The following CPNE5 variants were observed in gnomAD, a reference collection of about 807,000 sequenced individuals.
CPNE5 encodes copine-5.
A neutral mutation model predicts 81.1 loss-of-function variants in CPNE5; 42 were observed. That is an observed-to-expected ratio of 0.52 (90% CI 0.40 to 0.67). The LOEUF (loss-of-function observed/expected upper bound fraction) is 0.67, where lower values mean the gene tolerates loss of function less well. Ranked by LOEUF, CPNE5 falls within the 30% of genes least tolerant of loss-of-function variation. The pLI is 0.00. For missense variants in CPNE5, 612 were observed against 815.5 expected, an observed-to-expected ratio of 0.75 and a Z score of 3.04; for synonymous variants, 313 against 321.5, an observed-to-expected ratio of 0.97 and a Z score of 0.28.
intron 10 of CPNE5, among the ~76,000 whole-genome samples, chr6:36,774,273 T>G (rs1767302334): frequency 6.6e-6 from 1 of 151,884 alleles, no homozygotes; most frequent in Admixed American, 6.6e-5. Flanking sequence ...CCCAACTATA[T>G]TCAGGAGGTA....
At chr6:36,743,539 A>T in intron 20 of CPNE5, 150 bp downstream of exon 20, 1 of 756,568 alleles carries the variant, frequency 1.3e-6, no homozygotes, top group Non-Finnish European at 2.2e-6. Context: ...ACTGACTCCT[A>T]CTCCCTTCGG....
intron 3 of CPNE5, among the ~76,000 whole-genome samples, chr6:36,803,622 G>A (rs1192923521): frequency 6.6e-6 from 1 of 152,160 alleles, no homozygotes; most frequent in East Asian, 1.9e-4. Context: ...GCATCTATGT[G>A]TAAATTCATT....
intron 1 of CPNE5, chr6:36,838,839 G>T: frequency 1.5e-6 from 1 of 686,660 alleles, no homozygotes; most frequent in Non-Finnish European, 1.8e-6. Context: ...CTGGGGCAAA[G>T]AAGGGGCAAA....
In CPNE5 at chr6:36,800,084, T is replaced by G. The variant is rs73416227; in HGVS notation, c.184-14A>C. The G allele has an allele frequency of 1.9e-6, 3 of 1,604,586 alleles. No individual in the cohort carries two copies. The highest frequency in any genetic ancestry group is 2.6e-6 in the Non-Finnish European group (3 of 1,174,472). Reference sequence around the variant, plus strand: ...GGTGCGCCCAAACTGCAAGAGAAGATGGAGGGTGAACCTCAGGGCCGGGCT... The same window carrying G: ...GGTGCGCCCAAACTGCAAGAGAAGAGGGAGGGTGAACCTCAGGGCCGGGCT... On this transcript the variant is annotated splice_polypyrimidine_tract_variant and intron_variant, in intron 3 of 20. Transcript: ENST00000244751.
intron 8 of CPNE5, among the ~76,000 whole-genome samples, chr6:36,781,728 G>A (rs1024484597): frequency 2.6e-5 from 4 of 152,190 alleles, no homozygotes; most frequent in Non-Finnish European, 4.4e-5. Flanking sequence ...AAGGGAAAAC[G>A]TGGGGCCCCC....
chr6:36,777,101 C>T (rs187988507), intron 9 of CPNE5, among the ~76,000 whole-genome samples: 1 of 152,350 alleles, frequency 6.6e-6, no homozygotes, highest in East Asian at 1.9e-4. Flanking sequence ...CCCATGACCT[C>T]CCGGGTCTGA....
rs1374845590 is a variant in CPNE5, at chr6:36,756,256, T to C, written c.898A>G (p.Asn300Asp). The change falls in exon 13 of 21, where the codon AAT becomes GAT. Residue 300 changes from asparagine (N) to aspartate (D), a missense_variant. Asn to Asp is a conservative substitution (Grantham distance 23). Transcript: ENST00000244751. ...KKKMKKKKYV[N>D]SGTVTLLSFA... ...GGGTGGCTACTCACTGTGCCAGAAT[T>C]CACGTATTTCTTTTTCTTCATTTTC... 6.2e-7 allele frequency: 1 copy of C among 1,613,686 alleles called. No individual in the cohort carries two copies. Among genetic ancestry groups the C allele is most frequent in the Non-Finnish European group, 8.5e-7 (1 of 1,179,898 alleles).
intron 8 of CPNE5, among the ~76,000 whole-genome samples, chr6:36,790,043 G>C (rs1401760120): frequency 1.3e-5 from 2 of 152,160 alleles, no homozygotes; most frequent in Non-Finnish European, 2.9e-5. Context: ...AGTGGTTAAA[G>C]ACCTTGGCTC....
intron 8 of CPNE5, among the ~76,000 whole-genome samples, chr6:36,786,917 G>T (rs1768604499): frequency 6.6e-6 from 1 of 151,808 alleles, no homozygotes; most frequent in Non-Finnish European, 1.5e-5. Context: ...TGTCCATAAT[G>T]AATATGTTAT....
intron 3 of CPNE5, among the ~76,000 whole-genome samples, chr6:36,810,894 G>C (rs145060155): frequency 5.3e-5 from 8 of 152,292 alleles, no homozygotes; most frequent in African/African-American, 1.9e-4. Flanking sequence ...CCCTGAGTTA[G>C]GGAAGCCCAG....
At chr6:36,818,785 G>C (rs1378255136) in intron 3 of CPNE5, among the ~76,000 whole-genome samples, 1 of 152,178 alleles carries the variant, frequency 6.6e-6, no homozygotes, top group Non-Finnish European at 1.5e-5. Flanking sequence ...GTAGTAACAA[G>C]ATGTGACTTG....
intron 2 of CPNE5, among the ~76,000 whole-genome samples, chr6:36,822,499 A>T (rs1772148222): frequency 6.6e-6 from 1 of 152,212 alleles, no homozygotes; most frequent in Non-Finnish European, 1.5e-5. Flanking sequence ...GGCTACAGCA[A>T]GGGTCTGAAG....
chr6:36,825,320 A>G (rs940455053), intron 1 of CPNE5, among the ~76,000 whole-genome samples: 3 of 152,140 alleles, frequency 2.0e-5, no homozygotes, highest in Non-Finnish European at 4.4e-5. Context: ...TAATACCCCC[A>G]GCTCCAGTCC....
chr6:36,742,820 T>G (rs1323636125), intron 20 of CPNE5: 2 of 985,308 alleles, frequency 2.0e-6, no homozygotes, highest in Non-Finnish European at 2.4e-6. Context: ...AATCCCTGAC[T>G]TCTGGGGCAC....
chr6:36,759,978 G>A (rs1436553217), intron 12 of CPNE5, among the ~76,000 whole-genome samples: 3 of 151,936 alleles, frequency 2.0e-5, no homozygotes, highest in East Asian at 1.9e-4. Context: ...AGGCCGAGGC[G>A]GGTGCATCAC....
intron 3 of CPNE5, among the ~76,000 whole-genome samples, chr6:36,812,524 T>G (rs1455396713): frequency 1.3e-5 from 2 of 152,058 alleles, no homozygotes; most frequent in African/African-American, 4.8e-5. Flanking sequence ...CCCATTTTAT[T>G]GATGAAAAAA....
intron 12 of CPNE5, among the ~76,000 whole-genome samples, chr6:36,757,862 C>A (rs1277904041): frequency 6.6e-6 from 1 of 152,102 alleles, no homozygotes; most frequent in Non-Finnish European, 1.5e-5. Context: ...ATGAATAGAA[C>A]CCAGGCCCAG....
Position 36,802,080 on chromosome 6 carries a change from A to G in CPNE5, c.184-2010T>C, listed in dbSNP as rs143720534. 1.4e-3 allele frequency among the ~76,000 whole-genome samples: 220 copies of G among 152,128 alleles called. 3 individuals are homozygous for G. The East Asian group carries it at 0.031, about 21-fold the overall frequency. On this transcript the variant is annotated intron_variant, in intron 3 of 20. Coordinates refer to ENST00000244751, the MANE Select transcript of CPNE5 (RefSeq NM_020939.2). Reference sequence around the variant, plus strand: ...CTAAAAATACAAAAATTAGCTGGGCATGTTGGCACACGCCTGTAGACCCAG... The same window carrying G: ...CTAAAAATACAAAAATTAGCTGGGCGTGTTGGCACACGCCTGTAGACCCAG...
intron 8 of CPNE5, among the ~76,000 whole-genome samples, chr6:36,782,816 A>AACACACACACACAC (rs3997726): frequency 6.6e-4 from 83 of 126,316 alleles, no homozygotes; most frequent in Middle Eastern, 3.8e-3. Flanking sequence ...CAAAAACCAA[A>AACACACACACACAC]ACACACACAC....
Sources: allele counts gnomAD v4.1 joint callset (sites outside exome capture counted in the v4.1 genomes callset), GRCh38; gene constraint gnomAD v4.1.1; transcripts MANE v1.5; gene names NCBI Gene and HGNC (gene_info 2026-07-23, HGNC 2026-07-21).